The following AK8 variants were observed in gnomAD, a reference collection of about 807,000 sequenced individuals.
AK8 encodes ATP-AMP transphosphorylase 8.
Under a neutral mutation model 54.6 loss-of-function variants are expected in AK8, and 44 were observed. The ratio of observed to expected loss-of-function variants is 0.81; its 90% CI spans 0.63 to 1.04. AK8 has a LOEUF of 1.04. AK8 is among the 50% of genes least tolerant of loss of function. AK8 has a pLI of 0.00. For missense variants in AK8, 555 were observed against 613.6 expected, an observed-to-expected ratio of 0.90 and a Z score of 1.01; for synonymous variants, 239 against 245.6, an observed-to-expected ratio of 0.97 and a Z score of 0.25.
chr9:132,784,333 A>G (rs1182625688), intron 11 of AK8, among the ~76,000 whole-genome samples: 1 of 152,218 alleles, frequency 6.6e-6, no homozygotes, highest in East Asian at 1.9e-4. Flanking sequence ...AGCCTGGCCA[A>G]CATGGTGAAA....
chr9:132,832,788 C>T (rs1472719212), intron 5 of AK8, among the ~76,000 whole-genome samples: 2 of 152,200 alleles, frequency 1.3e-5, no homozygotes, highest in Non-Finnish European at 2.9e-5. Context: ...TCCAATTACA[C>T]AGGAAAAGTG....
intron 11 of AK8, among the ~76,000 whole-genome samples, chr9:132,756,558 A>G (rs987340358): frequency 3.3e-5 from 5 of 152,186 alleles, no homozygotes; most frequent in African/African-American, 1.2e-4. Flanking sequence ...AGGTGAGGGG[A>G]GAGGCGATCA....
chr9:132,802,836 AC>A (rs1840530983), intron 10 of AK8, among the ~76,000 whole-genome samples: 1 of 152,040 alleles, frequency 6.6e-6, no homozygotes, highest in South Asian at 2.1e-4. Context: ...CCTGCCCCAA[AC>A]CCTGACCCAC....
intron 4 of AK8, among the ~76,000 whole-genome samples, chr9:132,861,874 A>G (rs1588228266): frequency 6.6e-6 from 1 of 152,200 alleles, no homozygotes; most frequent in East Asian, 1.9e-4. Flanking sequence ...GAGGCCTGAC[A>G]TCCAGGCCTT....
intron 4 of AK8, among the ~76,000 whole-genome samples, chr9:132,857,278 ATG>A (rs1349784208): frequency 6.6e-6 from 1 of 152,180 alleles, no homozygotes; most frequent in Admixed American, 6.5e-5. Context: ...AGAGCTGAGA[ATG>A]TGCATTTCTA....
intron 11 of AK8, among the ~76,000 whole-genome samples, chr9:132,752,408 C>T (rs1327085582): frequency 3.3e-5 from 5 of 151,804 alleles, no homozygotes; most frequent in Admixed American, 3.3e-4. Context: ...CGCCACCACG[C>T]CTGGCTAATT....
intron 11 of AK8, among the ~76,000 whole-genome samples, chr9:132,776,148 T>C (rs1256774630): frequency 6.6e-6 from 1 of 152,188 alleles, no homozygotes; most frequent in African/African-American, 2.4e-5. Context: ...TGGGAGAACT[T>C]TCCTTTTTCC....
chr9:132,847,262 T>C (rs559447336), intron 5 of AK8, among the ~76,000 whole-genome samples: 2 of 152,324 alleles, frequency 1.3e-5, no homozygotes, highest in Non-Finnish European at 2.9e-5. Flanking sequence ...GCAGGTCTTC[T>C]ACCACCAGGC....
chr9:132,743,641 GT>G (rs1245721299), intron 11 of AK8, among the ~76,000 whole-genome samples: 1 of 152,148 alleles, frequency 6.6e-6, no homozygotes, highest in Non-Finnish European at 1.5e-5. Context: ...GTCTACAAGT[GT>G]TTTACTTCTT....
chr9:132,849,198 A>G (rs2131368503), intron 5 of AK8, among the ~76,000 whole-genome samples: 1 of 152,080 alleles, frequency 6.6e-6, no homozygotes, highest in South Asian at 2.1e-4. Flanking sequence ...GTGAGCCACT[A>G]CGCCCAGCCG....
intron 11 of AK8, among the ~76,000 whole-genome samples, chr9:132,773,705 C>A (rs1238488513): frequency 6.6e-6 from 1 of 152,186 alleles, no homozygotes; most frequent in African/African-American, 2.4e-5. Context: ...AGCCAGGATT[C>A]CAACCCAGTT....
intron 9 of AK8, among the ~76,000 whole-genome samples, chr9:132,819,029 T>C (rs544093211): frequency 6.6e-6 from 1 of 151,288 alleles, no homozygotes; most frequent in Admixed American, 6.6e-5. Context: ...TGAGTATTGC[T>C]AGAGAGGAAA....
intron 5 of AK8, among the ~76,000 whole-genome samples, chr9:132,833,615 C>G (rs1046406817): frequency 5.9e-5 from 9 of 152,176 alleles, no homozygotes; most frequent in African/African-American, 1.9e-4. Context: ...ATCAAAAAGG[C>G]CGTATGCTCA....
chr9:132,875,348 G>A lies in AK8; in HGVS notation c.85-149C>T, dbSNP rs1192202978. 10 of 1,474,882 alleles carry A rather than the reference G, an allele frequency of 6.8e-6. No homozygotes were observed. The African/African-American group carries it at 9.9e-5, about 15-fold the overall frequency. 91.4% of individuals were successfully genotyped at this position (1,474,882 alleles called of 1,614,324 possible). A position where few individuals can be genotyped will look rare whatever the true frequency, so the allele number is the denominator to read the frequency against. On this transcript the variant is annotated intron_variant, in intron 1 of 12. Coordinates refer to ENST00000298545, the MANE Select transcript of AK8 (RefSeq NM_152572.3). ...CCAGCCACCGCCCCAGCTGGCATCTGCTTGGGTCCCCATGAGCAGAGGCAT... is the reference window on the plus strand; with the variant it reads ...CCAGCCACCGCCCCAGCTGGCATCTACTTGGGTCCCCATGAGCAGAGGCAT...
intron 5 of AK8, among the ~76,000 whole-genome samples, chr9:132,838,285 T>A (rs1165883833): frequency 6.6e-6 from 1 of 152,176 alleles, no homozygotes; most frequent in Non-Finnish European, 1.5e-5. Context: ...ATGTAAATTC[T>A]AAACTTTTGG....
chr9:132,736,087 T>A (rs1174109594), intron 11 of AK8, among the ~76,000 whole-genome samples: 1 of 152,062 alleles, frequency 6.6e-6, no homozygotes, highest in Non-Finnish European at 1.5e-5. Flanking sequence ...AAATAGGGTA[T>A]CAGAATCTTA....
At chr9:132,760,913 A>T (rs1337265459) in intron 11 of AK8, among the ~76,000 whole-genome samples, 3 of 152,210 alleles carry the variant, frequency 2.0e-5, no homozygotes, top group Admixed American at 1.3e-4. Flanking sequence ...GAATACCCTA[A>T]TACACAATTG....
Position 132,790,495 on chromosome 9 carries a change from C to T in AK8, c.1121+2139G>A, listed in dbSNP as rs553717064. Among the ~76,000 whole-genome samples, 122 of 152,292 alleles carry T rather than the reference C, an allele frequency of 8.0e-4. No homozygotes were observed. Among genetic ancestry groups the T allele is most frequent in the African/African-American group, 2.7e-3 (113 of 41,564 alleles). ...TCGATCTCCTGACCTCATGATCCAC[C>T]CACCTCGGCCTCCCAAAGTGCTGGG... On this transcript the variant is annotated intron_variant, in intron 11 of 12. Transcript: ENST00000298545. This position sits in a 1 kb window ranked among gnomAD's most constrained non-coding sequence, Gnocchi z 4.1.
chr9:132,808,228 C>T (rs1426515749), intron 10 of AK8, among the ~76,000 whole-genome samples: 2 of 152,120 alleles, frequency 1.3e-5, no homozygotes, highest in African/African-American at 4.8e-5. Context: ...AGAGCAAACT[C>T]CTGGTGACTT....
Sources: gnomAD v4.1 joint callset for allele counts (sites outside exome capture counted in the v4.1 genomes callset) on GRCh38, gnomAD v4.1.1 for gene constraint, Gnocchi (gnomAD v3.1) non-coding constraint, MANE v1.5 for transcripts, NCBI Gene and HGNC (gene_info 2026-07-23, HGNC 2026-07-21) for gene names.